The following TPM3 variants were observed in gnomAD, a reference collection of about 807,000 sequenced individuals.
TPM3 encodes the protein tropomyosin alpha-3 chain.
Under a neutral mutation model 43.1 loss-of-function variants are expected in TPM3, and 16 were observed. That is an observed-to-expected ratio of 0.37 (90% CI 0.25 to 0.56). TPM3 has a LOEUF of 0.56. Ranked by LOEUF, TPM3 falls within the 20% of genes least tolerant of loss-of-function variation. TPM3 has a pLI of 0.77. For missense variants in TPM3, 176 were observed against 337.2 expected (o/e 0.52, Z 3.74); for synonymous variants, 101 against 116.9 (o/e 0.86, Z 0.88).
At chr1:154,191,091 C>A in intron 2 of TPM3, 95 bp downstream of exon 2, 1 of 1,594,486 alleles carries the variant, frequency 6.3e-7, no homozygotes, top group Admixed American at 1.7e-5. Context: ...GTCTGTGTTC[C>A]ATGAACCCAC....
At chr1:154,191,701 G>A in intron 1 of TPM3, 2 of 1,506,402 alleles carry the variant, frequency 1.3e-6, no homozygotes, top group Middle Eastern at 2.0e-4. Context: ...ACATACTGTG[G>A]CTCACTGACT....
rs181516869 is a variant in TPM3, at chr1:154,162,619, G to T, written c.*5318C>A. On this transcript the variant is annotated 3_prime_UTR_variant, in exon 10 of 10. Transcript: ENST00000651641. ...GCCTGTGGTTCTTAGAAATTAAGAGGGGGTAACATTAAGGGGACAAATGTT... is the reference window on the plus strand; with the variant it reads ...GCCTGTGGTTCTTAGAAATTAAGAGTGGGTAACATTAAGGGGACAAATGTT... Among the ~76,000 whole-genome samples, 1 of 152,090 alleles carries T rather than the reference G, an allele frequency of 6.6e-6. No homozygotes were observed. Among genetic ancestry groups the T allele is most frequent in the African/African-American group, 2.4e-5 (1 of 41,396 alleles).
downstream of TPM3, chr1:154,158,984 A>G (rs750818383): frequency 2.6e-6 from 2 of 780,612 alleles, no homozygotes; most frequent in Non-Finnish European, 4.8e-6. Context: ...CACACAGATC[A>G]TGCAGCGTTA....
intron 3 of TPM3, among the ~76,000 whole-genome samples, chr1:154,173,436 G>A (rs537267975): frequency 2.0e-5 from 3 of 152,184 alleles, no homozygotes; most frequent in South Asian, 4.1e-4. Context: ...AGGCTGAGGC[G>A]GGCAGATCAC....
chr1:154,175,781 C>T (rs1213013388), intron 3 of TPM3, among the ~76,000 whole-genome samples: 1 of 152,318 alleles, frequency 6.6e-6, no homozygotes, highest in East Asian at 1.9e-4. Context: ...GTCACAACAT[C>T]TAAGTTACCC....
At position 154,166,020 on chromosome 1, in the gene TPM3, G is replaced by T. The variant is rs1239563896; in HGVS notation, c.*1917C>A. ...TAAGCAACTTGAGAGTAGGAATGGTGCCTCCATCTTTATTTCTGTCTCCAT... is the reference window on the plus strand; with the variant it reads ...TAAGCAACTTGAGAGTAGGAATGGTTCCTCCATCTTTATTTCTGTCTCCAT... On this transcript the variant is annotated 3_prime_UTR_variant, in exon 10 of 10. Coordinates refer to ENST00000651641, the MANE Select transcript of TPM3 (RefSeq NM_152263.4). Among the ~76,000 whole-genome samples the T allele has an allele frequency of 1.3e-5, 2 of 152,012 alleles. No individual in the cohort carries two copies. The highest frequency in any genetic ancestry group is 2.9e-5 in the Non-Finnish European group (2 of 68,020).
intron 2 of TPM3, among the ~76,000 whole-genome samples, chr1:154,182,406 G>C (rs1663059571): frequency 6.6e-6 from 1 of 152,236 alleles, no homozygotes; most frequent in East Asian, 1.9e-4. Context: ...AGCTCCTCCA[G>C]GGAGGGAGGG....
chr1:154,182,722 G>T (rs1663098997), intron 2 of TPM3, among the ~76,000 whole-genome samples: 1 of 151,924 alleles, frequency 6.6e-6, no homozygotes. Context: ...GAATGAGGTG[G>T]AGAAAAAAAG....
chr1:154,184,431 T>C (rs1420941293), intron 2 of TPM3, among the ~76,000 whole-genome samples: 1 of 152,174 alleles, frequency 6.6e-6, no homozygotes, highest in African/African-American at 2.4e-5. Flanking sequence ...TGGTAGCTCA[T>C]GTCTGTAAGT....
chr1:154,171,259 T>C (rs2148234560), intron 6 of TPM3, 154 bp downstream of exon 6: 1 of 784,878 alleles, frequency 1.3e-6, no homozygotes, highest in East Asian at 2.6e-5. Flanking sequence ...GCACAGAAAA[T>C]AGCATTAAAC....
chr1:154,163,485 T>C lies in TPM3; in HGVS notation c.*4452A>G, dbSNP rs966708521. On this transcript the variant is annotated 3_prime_UTR_variant, in exon 10 of 10. Transcript: ENST00000651641. ...CAAATTACTAAAGTATCAATGCATGTCCCATTTTCAGTTATCTTCCTTCTT... is the reference window on the plus strand; with the variant it reads ...CAAATTACTAAAGTATCAATGCATGCCCCATTTTCAGTTATCTTCCTTCTT... Among the ~76,000 whole-genome samples the C allele has an allele frequency of 2.6e-5, 4 of 152,312 alleles. No individual in the cohort carries two copies. The highest frequency in any genetic ancestry group is 3.9e-4 in the East Asian group (2 of 5,188).
intron 2 of TPM3, chr1:154,183,390 G>A: frequency 8.4e-7 from 1 of 1,191,508 alleles, no homozygotes; most frequent in Non-Finnish European, 1.1e-6. Flanking sequence ...CTGGGACGGG[G>A]TTGGGACGAG....
intron 9 of TPM3, among the ~76,000 whole-genome samples, chr1:154,168,742 TCTTGAACTC>T (rs1439535196): frequency 6.6e-6 from 1 of 152,146 alleles, no homozygotes; most frequent in African/African-American, 2.4e-5. Context: ...GCCAGGCTGG[TCTTGAACTC>T]CTGGCCTCGA....
intron 2 of TPM3, among the ~76,000 whole-genome samples, chr1:154,186,281 G>A (rs1323506925): frequency 6.6e-6 from 1 of 151,516 alleles, no homozygotes; most frequent in Non-Finnish European, 1.5e-5. Flanking sequence ...GGGCACTATT[G>A]TACCTCCCTG....
chr1:154,173,402 C>T (rs753216598), intron 3 of TPM3, among the ~76,000 whole-genome samples: 7 of 152,198 alleles, frequency 4.6e-5, no homozygotes, highest in East Asian at 1.9e-4. Context: ...CAGTGGCTCA[C>T]GCCTATAACC....
intron 2 of TPM3, among the ~76,000 whole-genome samples, chr1:154,190,105 C>A (rs1371270705): frequency 6.6e-6 from 1 of 152,060 alleles, no homozygotes; most frequent in African/African-American, 2.4e-5. Context: ...CCACACCTGG[C>A]TAATTTTTGT....
intron 3 of TPM3, among the ~76,000 whole-genome samples, chr1:154,174,379 T>TATATAC (rs1662002333): frequency 1.2e-5 from 1 of 82,292 alleles, no homozygotes; most frequent in Non-Finnish European, 2.2e-5. Flanking sequence ...TATATATATA[T>TATATAC]ATATATATAT....
intron 9 of TPM3, 64 bp downstream of exon 9, chr1:154,169,241 T>C (rs1323901348): frequency 6.6e-7 from 1 of 1,505,826 alleles, no homozygotes; most frequent in Non-Finnish European, 9.2e-7. Flanking sequence ...CCACTATGCA[T>C]AGCTTGTACC....
intron 2 of TPM3, among the ~76,000 whole-genome samples, chr1:154,185,265 A>G (rs1558064509): frequency 1.3e-5 from 2 of 150,294 alleles, no homozygotes. Flanking sequence ...CCAGCTATTC[A>G]GGGAGGCTGA....
Sources: gnomAD v4.1 joint callset for allele counts (sites outside exome capture counted in the v4.1 genomes callset) on GRCh38, gnomAD v4.1.1 for gene constraint, MANE v1.5 for transcripts, NCBI Gene and HGNC (gene_info 2026-07-23, HGNC 2026-07-21) for gene names.